Variants in NTRK2 observed in about 807,000 individuals in gnomAD.
The protein encoded by NTRK2 is neurotrophic receptor tyrosine kinase 2.
A neutral mutation model predicts 94.5 loss-of-function variants in NTRK2; 13 were observed. The observed-to-expected ratio is 0.14, with a 90% CI of 0.09 to 0.22. The LOEUF is 0.22. Among genes scored for constraint, NTRK2 ranks in the 10% least tolerant of loss-of-function variants. The pLI is 1.00. For synonymous variants in NTRK2, 372 were observed against 407.4 expected, an observed-to-expected ratio of 0.91 and a Z score of 1.05; for missense variants, 639 against 1,071.2, an observed-to-expected ratio of 0.60 and a Z score of 5.63.
At chr9:84,965,517 A>G (rs1351898503) in intron 17 of NTRK2, among the ~76,000 whole-genome samples, 1 of 152,196 alleles carries the variant, frequency 6.6e-6, no homozygotes, top group East Asian at 1.9e-4. Context: ...GTGGGCCTTA[A>G]AGGATAAATA....
intron 17 of NTRK2, among the ~76,000 whole-genome samples, chr9:84,998,408 G>C (rs4877895): frequency 0.73 from 110,983 of 152,100 alleles, 41,133 homozygotes; most frequent in African/African-American, 0.82. Context: ...TAAATCCCAA[G>C]TCCTGCCCAA....
intron 12 of NTRK2, 101 bp from the exon 13 acceptor site, chr9:84,860,939 C>T (rs547218876): frequency 1.5e-5 from 8 of 537,848 alleles, no homozygotes; most frequent in East Asian, 3.5e-5. Flanking sequence ...TTATTTTTGT[C>T]GGGGGGAGTT....
chr9:84,815,796 G>C (rs1467270367), intron 12 of NTRK2: 1 of 975,056 alleles, frequency 1.0e-6, no homozygotes, highest in African/African-American at 1.8e-5. Flanking sequence ...GTTGTGTTCA[G>C]AACTGAAGAC....
At chr9:84,839,660 T>C (rs1253615525) in intron 12 of NTRK2, among the ~76,000 whole-genome samples, 1 of 152,194 alleles carries the variant, frequency 6.6e-6, no homozygotes, top group African/African-American at 2.4e-5. Flanking sequence ...GGAGCTGATT[T>C]CAGAGCCTCT....
At chr9:84,908,391 T>C (rs2077138791) in intron 14 of NTRK2, among the ~76,000 whole-genome samples, 1 of 151,766 alleles carries the variant, frequency 6.6e-6, no homozygotes, top group African/African-American at 2.4e-5. Flanking sequence ...TGAACATCTA[T>C]TACTTTTGTA....
At chr9:84,728,078 G>T in intron 9 of NTRK2, 119 bp downstream of exon 9, 1 of 911,010 alleles carries the variant, frequency 1.1e-6, no homozygotes, top group Non-Finnish European at 1.8e-6. Flanking sequence ...CCATTATTTA[G>T]TGTTGCTCAT....
chr9:84,721,179 CT>C (rs150800902), intron 6 of NTRK2, among the ~76,000 whole-genome samples: 210 of 146,960 alleles, frequency 1.4e-3, no homozygotes, highest in South Asian at 5.0e-3. Context: ...TCATAATAAT[CT>C]TTTTTTTTTT....
chr9:84,819,039 G>T (rs753884990), intron 12 of NTRK2, among the ~76,000 whole-genome samples: 1 of 152,106 alleles, frequency 6.6e-6, no homozygotes, highest in Admixed American at 6.5e-5. Flanking sequence ...CATCTCACAC[G>T]CTACAAGACC....
intron 12 of NTRK2, among the ~76,000 whole-genome samples, chr9:84,796,237 G>A (rs528664623): frequency 6.6e-6 from 1 of 152,240 alleles, no homozygotes; most frequent in Non-Finnish European, 1.5e-5. Context: ...CAGCATCTAG[G>A]CCTTCTCCTC....
intron 9 of NTRK2, among the ~76,000 whole-genome samples, chr9:84,740,070 G>A (rs1019107354): frequency 6.6e-6 from 1 of 152,140 alleles, no homozygotes; most frequent in Admixed American, 6.5e-5. Context: ...CTAAACTAAT[G>A]GATTACTGAG....
intron 12 of NTRK2, among the ~76,000 whole-genome samples, chr9:84,853,618 A>C (rs2074897356): frequency 6.6e-6 from 1 of 152,184 alleles, no homozygotes; most frequent in Non-Finnish European, 1.5e-5. Context: ...TCCATTCCAC[A>C]AGTGTTTATT....
rs2075873599 is a variant in NTRK2 at position 84,871,721 on chromosome 9, A to T, written c.1633+4290A>T. 9 of 1,315,394 alleles carry T rather than the reference A, an allele frequency of 6.8e-6. No individual in the cohort carries two copies. In the Admixed American group the frequency reaches 1.5e-4, roughly 22 times the overall value. The allele number at this position is 1,315,394 out of a possible 1,614,324, so 81.5% of individuals were successfully genotyped here. On this transcript the variant is annotated intron_variant, in intron 14 of 18. Transcript: ENST00000277120. ...CCAGAGATGGTTTGCAGGATTGTAGAGCAATCTGAACAGGGCTGAATTCCT... is the reference window on the plus strand; with the variant it reads ...CCAGAGATGGTTTGCAGGATTGTAGTGCAATCTGAACAGGGCTGAATTCCT...
rs1329670796 is a variant in NTRK2 at position 85,024,015 on chromosome 9, AAAT to A, written c.*2581_*2583del. 4.4e-6 allele frequency: 1 copy of A among 228,578 alleles called. No individual in the cohort carries two copies. The highest frequency in any genetic ancestry group is 8.7e-6 in the Non-Finnish European group (1 of 115,250). The allele number at this position is 228,578 out of a possible 1,614,324, so 14.2% of individuals were successfully genotyped here. On this transcript the variant is annotated 3_prime_UTR_variant, in exon 19 of 19. Coordinates refer to ENST00000277120, the MANE Select transcript of NTRK2 (RefSeq NM_006180.6). ...TTTTTCTCTGAAAGAAAAAAGCAAAAAATAAAATAAAATTCCACTTATACCTTC... is the reference window on the plus strand; with the variant it reads ...TTTTTCTCTGAAAGAAAAAAGCAAAAAAAATAAAATTCCACTTATACCTTC...
chr9:84,822,089 A>C (rs2072885242), intron 12 of NTRK2, among the ~76,000 whole-genome samples: 1 of 152,318 alleles, frequency 6.6e-6, no homozygotes, highest in Non-Finnish European at 1.5e-5. Context: ...ATTGCAATTT[A>C]GCATTTGGAA....
At chr9:84,865,225 G>C (rs1564404543) in intron 13 of NTRK2, among the ~76,000 whole-genome samples, 1 of 152,156 alleles carries the variant, frequency 6.6e-6, no homozygotes, top group Non-Finnish European at 1.5e-5. Context: ...TGATGGGTTT[G>C]CCTTTGCTTT....
chr9:84,966,589 A>G (rs1465904292), intron 17 of NTRK2, among the ~76,000 whole-genome samples: 2 of 151,900 alleles, frequency 1.3e-5, no homozygotes, highest in South Asian at 2.1e-4. Context: ...CTGCCACCAC[A>G]CTGGGCTAAA....
chr9:84,709,886 G>A (rs529519110), intron 5 of NTRK2, among the ~76,000 whole-genome samples: 3 of 152,054 alleles, frequency 2.0e-5, no homozygotes, highest in East Asian at 1.9e-4. Context: ...TCTGAATGGC[G>A]GTGGCTTTCC....
chr9:84,872,690 T>C (rs538419910), intron 14 of NTRK2: 26 of 1,064,904 alleles, frequency 2.4e-5, no homozygotes, highest in Non-Finnish European at 2.8e-5. Context: ...CCAGCTATTA[T>C]AGTTAATGTG....
intron 14 of NTRK2, among the ~76,000 whole-genome samples, chr9:84,885,547 A>G (rs1276184137): frequency 1.3e-5 from 2 of 152,184 alleles, no homozygotes; most frequent in African/African-American, 4.8e-5. Flanking sequence ...GAGAAGCATC[A>G]TGTCGAACAC....
Sources: allele counts gnomAD v4.1 joint callset (sites outside exome capture counted in the v4.1 genomes callset), GRCh38; gene constraint gnomAD v4.1.1; transcripts MANE v1.5; gene names NCBI Gene and HGNC (gene_info 2026-07-23, HGNC 2026-07-21).